The following CPS1 variants were observed in gnomAD, a reference collection of about 807,000 sequenced individuals.
CPS1 encodes the protein carbamoyl-phosphate synthase [ammonia], mitochondrial.
In CPS1, 109 loss-of-function variants were observed where a neutral mutation model predicts 174.6. The ratio of observed to expected loss-of-function variants is 0.62; its 90% CI spans 0.53 to 0.73. CPS1 has a LOEUF of 0.73. CPS1 is among the 30% of genes least tolerant of loss of function. The pLI is 0.00. For synonymous variants in CPS1, 637 were observed against 632.0 expected (o/e 1.01, Z -0.12); for missense variants, 1,689 against 1,821.9 (o/e 0.93, Z 1.33).
chr2:210,554,876 C>A (rs1021854978), upstream of CPS1, among the ~76,000 whole-genome samples: 2 of 142,894 alleles, frequency 1.4e-5, no homozygotes, highest in South Asian at 2.3e-4. Flanking sequence ...CATAAAAAGA[C>A]AAGAGGTGAG....
chr2:210,508,118 A>G (rs1012815716), intron 1 of CPS1, among the ~76,000 whole-genome samples: 2 of 150,566 alleles, frequency 1.3e-5, no homozygotes, highest in South Asian at 2.1e-4. Flanking sequence ...AATTGACCAC[A>G]TAGTTGGAAG....
chr2:210,521,540 C>A (rs530213291), intron 1 of CPS1, among the ~76,000 whole-genome samples: 1 of 152,000 alleles, frequency 6.6e-6, no homozygotes, highest in East Asian at 1.9e-4. Context: ...TTTCATGTTT[C>A]ATTTTACAGA....
chr2:210,495,155 G>T (rs895137848), intron 1 of CPS1, among the ~76,000 whole-genome samples: 2 of 152,148 alleles, frequency 1.3e-5, no homozygotes, highest in African/African-American at 4.8e-5. Flanking sequence ...CCTCAATTTT[G>T]CTACTAACTT....
At chr2:210,483,395 A>G (rs1694629538) in intron 1 of CPS1, among the ~76,000 whole-genome samples, 1 of 152,150 alleles carries the variant, frequency 6.6e-6, no homozygotes, top group Non-Finnish European at 1.5e-5. Flanking sequence ...CATGAGTAAT[A>G]CTACTACTCA....
intron 1 of CPS1, among the ~76,000 whole-genome samples, chr2:210,528,169 A>G (rs1007173780): frequency 6.6e-6 from 1 of 151,896 alleles, no homozygotes; most frequent in Admixed American, 6.6e-5. Context: ...ATTAGAACAA[A>G]TGGAAGGTGA....
At chr2:210,519,786 T>C in intron 1 of CPS1, 1 of 985,110 alleles carries the variant, frequency 1.0e-6, no homozygotes, top group Non-Finnish European at 1.2e-6. Context: ...TTGGAAGAGG[T>C]ATTTGGCTTT....
intron 1 of CPS1, among the ~76,000 whole-genome samples, chr2:210,495,318 C>T (rs1404773811): frequency 6.6e-6 from 1 of 152,134 alleles, no homozygotes; most frequent in Non-Finnish European, 1.5e-5. Flanking sequence ...CACTTTTGGT[C>T]CAGTGGTGCG....
At chr2:210,527,111 C>A (rs899716174) in intron 1 of CPS1, among the ~76,000 whole-genome samples, 1 of 151,312 alleles carries the variant, frequency 6.6e-6, no homozygotes, top group Non-Finnish European at 1.5e-5. Context: ...CTTTTTTTCT[C>A]TTCTTTATTT....
chr2:210,575,181 T>C (rs1172229776), intron 2 of CPS1, among the ~76,000 whole-genome samples: 1 of 152,080 alleles, frequency 6.6e-6, no homozygotes. Flanking sequence ...TGTATTTTGT[T>C]GACAAGGTTA....
chr2:210,666,136 G>A (rs1350867633), intron 33 of CPS1, among the ~76,000 whole-genome samples: 1 of 151,984 alleles, frequency 6.6e-6, no homozygotes, highest in Non-Finnish European at 1.5e-5. Flanking sequence ...TTTGAGAAGT[G>A]TCTGTTCATA....
Position 210,576,347 on chromosome 2 carries a change from T to C in CPS1, c.238T>C (p.Tyr80His). ...TAATTTTTTGGCATGTTTACCCAGG[T>C]ACCCAGAAGCTATTACTGACCCTGC... ...EVVFNTGLGG[Y>H]PEAITDPAYK... Residue 80 changes from tyrosine (Y) to histidine (H), a missense_variant and splice_region_variant, in exon 3 of 38, where the codon TAC becomes CAC. By Grantham distance (83) the Tyr-to-His change is moderately conservative. Coordinates refer to ENST00000233072, the MANE Select transcript of CPS1 (RefSeq NM_001875.5). The C allele has an allele frequency of 6.2e-7, 1 of 1,613,594 alleles. No individual in the cohort carries two copies. The highest frequency in any genetic ancestry group is 8.5e-7 in the Non-Finnish European group (1 of 1,179,622).
intron 21 of CPS1, chr2:210,618,881 A>G (rs1006006290): frequency 6.6e-6 from 1 of 152,110 alleles, no homozygotes; most frequent in East Asian, 1.9e-4. Context: ...GCTGACTTAC[A>G]TATTGCGAGT....
At chr2:210,493,477 G>A (rs185683022) in intron 1 of CPS1, among the ~76,000 whole-genome samples, 223 of 152,302 alleles carry the variant, frequency 1.5e-3, no homozygotes, top group African/African-American at 4.8e-3. Context: ...AATTCAATCA[G>A]ATGTAATTGT....
At chr2:210,663,279 A>G (rs1481791006) in intron 33 of CPS1, 82 bp downstream of exon 33, 18 of 1,338,704 alleles carry the variant, frequency 1.3e-5, no homozygotes, top group Admixed American at 5.4e-5. Flanking sequence ...CAGTAAAATA[A>G]AGGGAATAAA....
In CPS1 at chr2:210,664,487, G is replaced by A. The variant is rs533087320; in HGVS notation, c.4002+1290G>A. ...CCTGAGTAGCTGGGATTACAAGCAT[G>A]CACCACCACGCCCGGCTAATTTTGT... On this transcript the variant is annotated intron_variant, in intron 33 of 37. Transcript: ENST00000233072. Among the ~76,000 whole-genome samples, 21 of 152,060 alleles carry A rather than the reference G, an allele frequency of 1.4e-4. No homozygotes were observed. The South Asian group carries it at 4.0e-3, about 29-fold the overall frequency.
chr2:210,550,988 C>A (rs1029804184), intron 1 of CPS1, among the ~76,000 whole-genome samples: 1 of 151,828 alleles, frequency 6.6e-6, no homozygotes, highest in African/African-American at 2.4e-5. Context: ...AAATTCCACT[C>A]TAAGTTCTGC....
chr2:210,649,524 A>G (rs1049632699), intron 27 of CPS1, among the ~76,000 whole-genome samples: 1 of 152,198 alleles, frequency 6.6e-6, no homozygotes, highest in African/African-American at 2.4e-5. Flanking sequence ...TGATGGATAT[A>G]TAAATAACTT....
upstream of CPS1, chr2:210,556,557 G>A (rs1696919079): frequency 1.3e-6 from 2 of 1,482,050 alleles, no homozygotes; most frequent in African/African-American, 2.8e-5. Flanking sequence ...AGAAGGAGGA[G>A]CTGTGGCTGA....
intron 33 of CPS1, 129 bp downstream of exon 33, chr2:210,663,326 G>T: frequency 1.2e-6 from 1 of 852,596 alleles, no homozygotes; most frequent in Middle Eastern, 2.9e-4. Context: ...AAGAGCTTAT[G>T]AATTTTGAAT....
Sources: allele counts gnomAD v4.1 joint callset (sites outside exome capture counted in the v4.1 genomes callset), GRCh38; gene constraint gnomAD v4.1.1; transcripts MANE v1.5; gene names NCBI Gene and HGNC (gene_info 2026-07-23, HGNC 2026-07-21).